Variants in DMD observed in about 807,000 individuals in gnomAD.
The protein encoded by DMD is mutant dystrophin.
Under a neutral mutation model 330.1 loss-of-function variants are expected in DMD, and 63 were observed. The ratio of observed to expected loss-of-function variants is 0.19; its 90% CI spans 0.16 to 0.24. The LOEUF (loss-of-function observed/expected upper bound fraction) is 0.24, where lower values mean the gene tolerates loss of function less well. Among genes scored for constraint, DMD ranks in the 10% least tolerant of loss-of-function variants. DMD has a pLI of 1.00. For missense variants in DMD, 3,344 were observed against 2,684.1 expected (o/e 1.25, Z -5.43); for synonymous variants, 1,223 against 959.8 (o/e 1.27, Z -5.07).
chrX:31,364,138 G>C (rs988093161), intron 60 of DMD, among the ~76,000 whole-genome samples: 3 of 112,728 alleles, frequency 2.7e-5, no homozygotes, highest in Non-Finnish European at 3.7e-5. Flanking sequence ...GATCTGCATT[G>C]TGATCTGATG....
At chrX:31,622,873 TATATACACAC>T (rs2078625937) in intron 55 of DMD, among the ~76,000 whole-genome samples, 1 of 86,929 alleles carries the variant, frequency 1.2e-5, no homozygotes, top group Non-Finnish European at 2.2e-5. Flanking sequence ...TATATATATA[TATATACACAC>T]ACACACACAC....
intron 44 of DMD, among the ~76,000 whole-genome samples, chrX:32,213,016 G>GA (rs2097098910): frequency 1.8e-5 from 2 of 111,765 alleles, no homozygotes; most frequent in South Asian, 3.7e-4. Context: ...TCTTTAAAGT[G>GA]AAAAAAATAT....
chrX:33,246,071 C>G (rs2052658865), intron 1 of DMD, among the ~76,000 whole-genome samples: 2 of 111,603 alleles, frequency 1.8e-5, no homozygotes, highest in African/African-American at 6.5e-5. Flanking sequence ...AGTACATATC[C>G]CCATTGGTTG....
intron 2 of DMD, among the ~76,000 whole-genome samples, chrX:32,912,713 A>C (rs6631674): frequency 0.2 from 21,664 of 110,758 alleles, 2,022 homozygotes; most frequent in East Asian, 0.39. Flanking sequence ...GAGCAAGACT[A>C]TTTCTCTTTT....
intron 66 of DMD, among the ~76,000 whole-genome samples, chrX:31,206,063 G>A (rs1306222486): frequency 7.1e-5 from 8 of 112,407 alleles, no homozygotes; most frequent in Admixed American, 6.6e-4. Flanking sequence ...AGGGTGGTAC[G>A]TATCTATCCT....
intron 2 of DMD, among the ~76,000 whole-genome samples, chrX:32,963,977 G>A (rs1434140979): frequency 9.0e-6 from 1 of 111,051 alleles, no homozygotes; most frequent in Non-Finnish European, 1.9e-5. Context: ...ACTGGTGGTC[G>A]GGTGCGGTGG....
At chrX:31,740,962 G>A (rs2087286650) in intron 51 of DMD, among the ~76,000 whole-genome samples, 1 of 111,939 alleles carries the variant, frequency 8.9e-6, no homozygotes, top group South Asian at 3.7e-4. Context: ...TAAGTTTATG[G>A]AATATTCTAA....
At chrX:33,116,064 G>A (rs1193932063) in intron 1 of DMD, among the ~76,000 whole-genome samples, 2 of 109,153 alleles carry the variant, frequency 1.8e-5, no homozygotes, top group African/African-American at 6.7e-5. Context: ...ATGGTGGCGT[G>A]CACCAGTAAT....
At chrX:31,941,661 G>A (rs1472094111) in intron 45 of DMD, among the ~76,000 whole-genome samples, 2 of 111,600 alleles carry the variant, frequency 1.8e-5, no homozygotes, top group Non-Finnish European at 3.8e-5. Flanking sequence ...CAGGTAGTGA[G>A]CATAGTACCC....
intron 7 of DMD, among the ~76,000 whole-genome samples, chrX:32,735,346 T>A (rs1391010349): frequency 9.1e-6 from 1 of 110,453 alleles, no homozygotes; most frequent in Non-Finnish European, 1.9e-5. Context: ...CTGCCCAAGG[T>A]AATTTACAGA....
chrX:32,435,483 T>C (rs1267567548), intron 29 of DMD, among the ~76,000 whole-genome samples: 1 of 108,849 alleles, frequency 9.2e-6, no homozygotes, highest in Non-Finnish European at 1.9e-5. Flanking sequence ...AAAAACCCCC[T>C]ATGAAACAGG....
intron 56 of DMD, among the ~76,000 whole-genome samples, chrX:31,503,217 G>C (rs1383731894): frequency 1.8e-5 from 2 of 111,766 alleles, no homozygotes; most frequent in Non-Finnish European, 3.8e-5. Flanking sequence ...TTTTAATTAA[G>C]AAAACCAAGG....
At chrX:31,333,526 G>A (rs995585778) in intron 61 of DMD, among the ~76,000 whole-genome samples, 13 of 102,534 alleles carry the variant, frequency 1.3e-4, no homozygotes, top group African/African-American at 4.7e-4. Context: ...TCTAATAGAT[G>A]TATCTGCTCC....
At chrX:32,848,066 G>T (rs2080836081) in intron 3 of DMD, among the ~76,000 whole-genome samples, 1 of 111,712 alleles carries the variant, frequency 9.0e-6, no homozygotes, top group South Asian at 3.8e-4. Context: ...AAATTGCTTT[G>T]GGTGATAGAT....
At chrX:31,620,210 C>T (rs1419979653) in intron 55 of DMD, among the ~76,000 whole-genome samples, 1 of 110,714 alleles carries the variant, frequency 9.0e-6, no homozygotes, top group Non-Finnish European at 1.9e-5. Context: ...GAACATGCTA[C>T]GTTCAATTGA....
chrX:32,846,726 A>T (rs1187049922), intron 3 of DMD, among the ~76,000 whole-genome samples: 1 of 60,775 alleles, frequency 1.6e-5, no homozygotes, highest in Non-Finnish European at 2.6e-5. Flanking sequence ...TTAGATTTAA[A>T]AAAAAAAAAA....
intron 4 of DMD, among the ~76,000 whole-genome samples, chrX:32,827,222 G>T (rs2078789854): frequency 9.0e-6 from 1 of 110,615 alleles, no homozygotes; most frequent in Non-Finnish European, 1.9e-5. Context: ...AAGTAACATT[G>T]TGAAAAGATA....
At chrX:32,492,358 G>A (rs748291412) in intron 19 of DMD, among the ~76,000 whole-genome samples, 1 of 112,233 alleles carries the variant, frequency 8.9e-6, no homozygotes, top group East Asian at 2.8e-4. Context: ...TGGATGCGAG[G>A]AAGAAAAACA....
rs2097958735 is a variant in DMD at position 32,386,448 on chromosome X, CA to C, written c.4535del (p.Leu1512ArgfsTer4). 8.3e-7 allele frequency: 1 copy of C among 1,203,252 alleles called. No homozygotes were observed. Among genetic ancestry groups the C allele is most frequent in the Admixed American group, 2.2e-5 (1 of 45,443 alleles). ...LNHCVNLYKS[L>X]SEVKSEVEMV... Reference sequence around the variant, plus strand: ...TTTCCACTTCAGACTTCACTTCACTCAGACTTTTATACAAGTTCTAAGTTTA... The same window carrying C: ...TTTCCACTTCAGACTTCACTTCACTCGACTTTTATACAAGTTCTAAGTTTA... On this transcript the variant is annotated frameshift_variant, in exon 33 of 79. Coordinates refer to ENST00000357033, the MANE Select transcript of DMD (RefSeq NM_004006.3). LOFTEE classifies it high-confidence loss of function.
Sources: allele counts gnomAD v4.1 joint callset (sites outside exome capture counted in the v4.1 genomes callset), GRCh38; gene constraint gnomAD v4.1.1; transcripts MANE v1.5; gene names NCBI Gene and HGNC (gene_info 2026-07-23, HGNC 2026-07-21).